A2ML1: variants seen among roughly 807,000 people sequenced by gnomAD.
A2ML1 encodes the protein alpha-2-macroglobulin like 1.
A2ML1 carries 161 observed loss-of-function variants against 181.9 expected under a neutral mutation model. That is an observed-to-expected ratio of 0.89 (90% CI 0.78 to 1.01). A2ML1 has a LOEUF of 1.01. Among genes scored for constraint, A2ML1 ranks in the 50% least tolerant of loss-of-function variants. The probability of loss-of-function intolerance (pLI) is 0.00; values close to 1 mark genes in which losing one functional copy is unlikely to be tolerated. For synonymous variants in A2ML1, 663 were observed against 666.8 expected (o/e 0.99, Z 0.09); for missense variants, 1,670 against 1,768.1 (o/e 0.94, Z 1.00).
chr12:8,840,602 C>T (rs186243468), intron 10 of A2ML1, among the ~76,000 whole-genome samples: 276 of 152,038 alleles, frequency 1.8e-3, no homozygotes, highest in Non-Finnish European at 2.7e-3. Flanking sequence ...GTAGGGGATT[C>T]GCTTTAAGAA....
intron 3 of A2ML1, among the ~76,000 whole-genome samples, chr12:8,828,303 G>A (rs954926813): frequency 6.6e-6 from 1 of 152,134 alleles, no homozygotes; most frequent in Non-Finnish European, 1.5e-5. Flanking sequence ...CAGCTGAGTT[G>A]GCACCCAAGC....
At chr12:8,881,734 G>A (rs1944872707), downstream of A2ML1, among the ~76,000 whole-genome samples, 1 of 152,096 alleles carries the variant, frequency 6.6e-6, no homozygotes, top group Non-Finnish European at 1.5e-5. Context: ...TTGAGTGGCT[G>A]GGTGTGGTGG....
intron 15 of A2ML1, 129 bp downstream of exon 15, chr12:8,847,827 G>T: frequency 1.6e-6 from 2 of 1,270,168 alleles, no homozygotes; most frequent in Non-Finnish European, 2.1e-6. Context: ...TAAAAAGGCT[G>T]GTGTGAAAAT....
chr12:8,829,519 G>A lies in A2ML1; in HGVS notation c.410-208G>A, dbSNP rs376752876. Among the ~76,000 whole-genome samples the A allele has an allele frequency of 5.9e-5, 9 of 152,178 alleles. 2 individuals carry two copies. Among genetic ancestry groups the A allele is most frequent in the African/African-American group, 2.2e-4 (9 of 41,518 alleles). ...TCTCTACAAAAATTAGCCAAGTGTGGTGGCACCTGCCTGTGGTCCCAGCTA... is the reference window on the plus strand; with the variant it reads ...TCTCTACAAAAATTAGCCAAGTGTGATGGCACCTGCCTGTGGTCCCAGCTA... On this transcript the variant is annotated intron_variant, in intron 3 of 35. Transcript: ENST00000299698.
chr12:8,822,858 C>G, intron 1 of A2ML1, 145 bp downstream of exon 1: 1 of 750,582 alleles, frequency 1.3e-6, no homozygotes, highest in Non-Finnish European at 2.2e-6. Flanking sequence ...TCCACTGATC[C>G]TTTACCCAGA....
intron 7 of A2ML1, chr12:8,886,401 T>C (rs1449019422): frequency 6.6e-6 from 1 of 152,224 alleles, no homozygotes; most frequent in Non-Finnish European, 1.5e-5. Context: ...TTTGATGTTA[T>C]GTAAACAATT....
At chr12:8,843,676 G>A (rs1943566347) in intron 12 of A2ML1, among the ~76,000 whole-genome samples, 1 of 149,898 alleles carries the variant, frequency 6.7e-6, no homozygotes, top group African/African-American at 2.4e-5. Flanking sequence ...GCGTATCTCA[G>A]TTTGGACTGA....
Position 8,841,021 on chromosome 12 carries a change from A to AGGAAGGAAGGAAGGAAGGACGGAC in A2ML1, c.1081-332_1081-331insGGACGGACGGAAGGAAGGAAGGAA, listed in dbSNP as rs1592119843. 5.6e-3 allele frequency among the ~76,000 whole-genome samples: 683 copies of AGGAAGGAAGGAAGGAAGGACGGAC among 122,918 alleles called. 9 individuals are homozygous for AGGAAGGAAGGAAGGAAGGACGGAC. The highest frequency in any genetic ancestry group is 0.014 in the East Asian group (61 of 4,348). 80.6% of individuals were successfully genotyped at this position (122,918 alleles called of 152,430 possible). On this transcript the variant is annotated intron_variant, in intron 10 of 35. Transcript: ENST00000299698. ...AAGGAAGGAAGGAAGGACGGAAGGA[A>AGGAAGGAAGGAAGGAAGGACGGAC]GGAAGGAAGGAAGGAAAGAAAAAAG...
chr12:8,861,571 T>C (rs1592147651), intron 28 of A2ML1, among the ~76,000 whole-genome samples: 2 of 152,076 alleles, frequency 1.3e-5, no homozygotes, highest in Non-Finnish European at 2.9e-5. Flanking sequence ...CACTCCAAGT[T>C]CCGCCTCCCG....
At chr12:8,840,906 CAAAA>C (rs1302515017) in intron 10 of A2ML1, among the ~76,000 whole-genome samples, 1 of 93,358 alleles carries the variant, frequency 1.1e-5, no homozygotes, top group East Asian at 3.2e-4. Flanking sequence ...GACTCCATCT[CAAAA>C]AAAAAAAGAA....
chr12:8,844,212 C>A (rs1943589457), intron 12 of A2ML1, among the ~76,000 whole-genome samples: 2 of 150,748 alleles, frequency 1.3e-5, no homozygotes, highest in Non-Finnish European at 2.9e-5. Context: ...AAAAACAAAA[C>A]CAGCTGGGTG....
chr12:8,838,358 C>T lies in A2ML1; in HGVS notation c.878C>T (p.Ser293Leu). Reference sequence around the variant, plus strand: ...TAGACTGACAAAACAGGATGTTTCTCAGCACCTGTGGACATGGCCACCTTT... The same window carrying T: ...TAGACTGACAAAACAGGATGTTTCTTAGCACCTGTGGACATGGCCACCTTT... Reference protein sequence around the residue: ...SGQTDKTGCFSAPVDMATFDL... With the variant: ...SGQTDKTGCFLAPVDMATFDL... Residue 293 changes from serine to leucine, a missense_variant, in exon 9 of 36, where the codon TCA becomes TTA. Coordinates refer to ENST00000299698, the MANE Select transcript of A2ML1 (RefSeq NM_144670.6). 4.3e-6 allele frequency: 7 copies of T among 1,613,562 alleles called. No individual in the cohort carries two copies. Among genetic ancestry groups the T allele is most frequent in the Non-Finnish European group, 5.9e-6 (7 of 1,179,720 alleles).
At chr12:8,867,799 T>C in intron 29 of A2ML1, 43 bp from the exon 30 acceptor site, 1 of 1,563,136 alleles carries the variant, frequency 6.4e-7, no homozygotes, top group Non-Finnish European at 8.8e-7. Context: ...TTAATTCCAA[T>C]GGCTCACAAA....
At chr12:8,857,924 A>AT (rs751143318) in intron 25 of A2ML1, 22 bp from the exon 26 acceptor site, 19 of 1,610,952 alleles carry the variant, frequency 1.2e-5, no homozygotes, top group Non-Finnish European at 1.5e-5. Flanking sequence ...TTCATGCCAT[A>AT]TTTTCCTCTT....
chr12:8,845,578 T>C, intron 13 of A2ML1, 76 bp downstream of exon 13: 6 of 1,490,640 alleles, frequency 4.0e-6, no homozygotes, highest in Non-Finnish European at 5.6e-6. Flanking sequence ...CCAGGCGCGG[T>C]GGCTCATGCC....
intron 25 of A2ML1, 83 bp from the exon 26 acceptor site, chr12:8,857,863 A>G: frequency 6.4e-7 from 1 of 1,552,548 alleles, no homozygotes; most frequent in Non-Finnish European, 8.8e-7. Context: ...TTCTGGAAGT[A>G]TACACCCAAA....
In A2ML1 at chr12:8,823,719, G is replaced by T. The variant is rs2136697146; in HGVS notation, c.247-1G>T. 1.2e-6 allele frequency: 2 copies of T among 1,613,282 alleles called. No homozygotes were observed. The highest frequency in any genetic ancestry group is 1.7e-6 in the Non-Finnish European group (2 of 1,179,646). On this transcript the variant is annotated splice_acceptor_variant, in intron 2 of 35. Transcript: ENST00000299698. LOFTEE classifies it high-confidence loss of function. ...CCCCAGAAGTCCCCTTTCTTGGTCAGGTACCACCTCCTGCTGGTGGCACAG... is the reference window on the plus strand; with the variant it reads ...CCCCAGAAGTCCCCTTTCTTGGTCATGTACCACCTCCTGCTGGTGGCACAG...
At chr12:8,873,667 G>C (rs569261627) in intron 33 of A2ML1, among the ~76,000 whole-genome samples, 1 of 152,140 alleles carries the variant, frequency 6.6e-6, no homozygotes, top group Non-Finnish European at 1.5e-5. Context: ...AGTGCTGGTG[G>C]GGCAGGCCAG....
Position 8,886,010 on chromosome 12 carries a change from T to TCACACACACACACA in A2ML1, c.*95-475_*95-462dup, listed in dbSNP as rs35294269. ...ACTTCGCCTATCCTTCAACAATATC[T>TCACACACACACACA]CACACACACACACACACACACACAC... On this transcript the variant is annotated intron_variant and NMD_transcript_variant, in intron 7 of 7. Transcript: ENST00000537475. Among the ~76,000 whole-genome samples the TCACACACACACACA allele has an allele frequency of 4.8e-3, 695 of 144,980 alleles. 7 individuals carry two copies. Among genetic ancestry groups the TCACACACACACACA allele is most frequent in the African/African-American group, 0.013 (492 of 39,210 alleles).
Sources: gnomAD v4.1 joint callset for allele counts (sites outside exome capture counted in the v4.1 genomes callset) on GRCh38, gnomAD v4.1.1 for gene constraint, MANE v1.5 for transcripts, NCBI Gene and HGNC (gene_info 2026-07-23, HGNC 2026-07-21) for gene names.